Variants in DCLK1 observed in about 807,000 individuals in gnomAD.
DCLK1 encodes the protein serine/threonine-protein kinase DCLK1.
DCLK1 carries 16 observed loss-of-function variants against 86.2 expected under a neutral mutation model. The observed-to-expected ratio is 0.19, with a 90% CI of 0.13 to 0.28. DCLK1 has a LOEUF of 0.28. Among genes scored for constraint, DCLK1 ranks in the 10% least tolerant of loss-of-function variants. The probability of loss-of-function intolerance (pLI) is 1.00; values close to 1 mark genes in which losing one functional copy is unlikely to be tolerated. For synonymous variants in DCLK1, 369 were observed against 370.5 expected (o/e 1.00, Z 0.05); for missense variants, 590 against 940.2 (o/e 0.63, Z 4.87).
At chr13:35,889,617 G>T (rs1566587902) in intron 4 of DCLK1, among the ~76,000 whole-genome samples, 1 of 152,056 alleles carries the variant, frequency 6.6e-6, no homozygotes, top group Non-Finnish European at 1.5e-5. Flanking sequence ...CTGTAATTCT[G>T]ATTCATTCCA....
At chr13:36,055,940 G>T (rs1211025821) in intron 3 of DCLK1, among the ~76,000 whole-genome samples, 1 of 152,116 alleles carries the variant, frequency 6.6e-6, no homozygotes, top group Non-Finnish European at 1.5e-5. Context: ...ATCTCATAGT[G>T]GTTTTGATTA....
chr13:35,934,376 C>T (rs1017806337), intron 4 of DCLK1, among the ~76,000 whole-genome samples: 3 of 152,114 alleles, frequency 2.0e-5, no homozygotes, highest in Non-Finnish European at 2.9e-5. Context: ...AAGATATACC[C>T]GAGACTGGGC....
chr13:36,124,042 A>T (rs1886082299), intron 2 of DCLK1, among the ~76,000 whole-genome samples: 1 of 152,186 alleles, frequency 6.6e-6, no homozygotes, highest in African/African-American at 2.4e-5. Flanking sequence ...CATAGATGCT[A>T]CACAAGTGAC....
At chr13:35,804,407 T>A (rs898369455) in intron 15 of DCLK1, among the ~76,000 whole-genome samples, 2 of 151,930 alleles carry the variant, frequency 1.3e-5, no homozygotes, top group Non-Finnish European at 2.9e-5. Context: ...GTACTGGGAT[T>A]ACAGGCATGA....
intron 3 of DCLK1, among the ~76,000 whole-genome samples, chr13:35,956,258 A>ACTG (rs1251625498): frequency 6.6e-6 from 1 of 152,174 alleles, no homozygotes; most frequent in Non-Finnish European, 1.5e-5. Flanking sequence ...AAGCCCAGGA[A>ACTG]ATTGGCTTAT....
rs1048316844 is a variant in DCLK1 at position 36,030,992 on chromosome 13, T to C, written c.723+80877A>G. Among the ~76,000 whole-genome samples, 4 of 152,284 alleles carry C rather than the reference T, an allele frequency of 2.6e-5. No homozygotes were observed. In the East Asian group the frequency reaches 5.8e-4, roughly 22 times the overall value. Reference sequence around the variant, plus strand: ...AACATTGCCCTGTGTTCTGCAGGTATAACTGATAAGCCACAGGACTTATTT... The same window carrying C: ...AACATTGCCCTGTGTTCTGCAGGTACAACTGATAAGCCACAGGACTTATTT... On this transcript the variant is annotated intron_variant, in intron 3 of 16. Transcript: ENST00000360631.
intron 15 of DCLK1, among the ~76,000 whole-genome samples, chr13:35,793,812 A>G (rs1427867587): frequency 1.3e-5 from 2 of 152,192 alleles, no homozygotes; most frequent in African/African-American, 4.8e-5. Flanking sequence ...GTTAATCTAG[A>G]TGACCAGAAA....
intron 4 of DCLK1, among the ~76,000 whole-genome samples, chr13:35,886,438 CT>C (rs1443929374): frequency 3.3e-5 from 5 of 152,124 alleles, no homozygotes; most frequent in African/African-American, 1.2e-4. Flanking sequence ...TTAATGACTT[CT>C]TGGGAGATTG....
chr13:35,873,446 G>C (rs374198259), intron 4 of DCLK1, among the ~76,000 whole-genome samples: 1 of 151,638 alleles, frequency 6.6e-6, no homozygotes, highest in Non-Finnish European at 1.5e-5. Context: ...GTGCAGTGGC[G>C]TGATCTCGGG....
intron 3 of DCLK1, among the ~76,000 whole-genome samples, chr13:35,966,848 T>C (rs1362501737): frequency 6.6e-6 from 1 of 151,868 alleles, no homozygotes; most frequent in African/African-American, 2.4e-5. Flanking sequence ...TGATCTCCGC[T>C]CGCTACCACC....
At chr13:35,851,279 GA>G in intron 6 of DCLK1, among the ~76,000 whole-genome samples, 1 of 152,258 alleles carries the variant, frequency 6.6e-6, no homozygotes, top group East Asian at 1.9e-4. Context: ...ATGTTTGGAT[GA>G]CAGAAAGCGT....
chr13:35,814,016 G>C (rs1373681354), intron 11 of DCLK1, among the ~76,000 whole-genome samples: 1 of 152,082 alleles, frequency 6.6e-6, no homozygotes, highest in Non-Finnish European at 1.5e-5. Flanking sequence ...AACACTTTGG[G>C]AGGAGGATGG....
rs1313763421 is a variant in DCLK1, at chr13:35,901,826, C to G, written c.824-30486G>C. Among the ~76,000 whole-genome samples, 11 of 152,230 alleles carry G rather than the reference C, an allele frequency of 7.2e-5. 4 individuals carry two copies. The highest frequency in any genetic ancestry group is 6.5e-4 in the Admixed American group (10 of 15,298). On this transcript the variant is annotated intron_variant, in intron 4 of 16. Coordinates refer to ENST00000360631, the MANE Select transcript of DCLK1 (RefSeq NM_001330071.2). ...ACTCACTCACTGCCAACCACGACTT[C>G]CACAGAAAGCTTGGGAATTGGGGAA...
chr13:36,070,151 G>T lies in DCLK1; in HGVS notation c.723+41718C>A, dbSNP rs117090926. 2.5e-3 allele frequency among the ~76,000 whole-genome samples: 377 copies of T among 152,262 alleles called. 11 individuals carry two copies. In the East Asian group the frequency reaches 0.068, roughly 28 times the overall value. On this transcript the variant is annotated intron_variant, in intron 3 of 16. Transcript: ENST00000360631. ...GCCTGAAAAGTTGAAAAAAAATATGGTTTTTTAAATCCAAAAACATCCTAA... is the reference window on the plus strand; with the variant it reads ...GCCTGAAAAGTTGAAAAAAAATATGTTTTTTTAAATCCAAAAACATCCTAA...
At chr13:35,988,881 G>A (rs1236940443) in intron 3 of DCLK1, among the ~76,000 whole-genome samples, 1 of 152,118 alleles carries the variant, frequency 6.6e-6, no homozygotes, top group African/African-American at 2.4e-5. Flanking sequence ...AACGTTTCAG[G>A]AGACCTGAAT....
At chr13:36,037,949 G>A (rs1882568581) in intron 3 of DCLK1, among the ~76,000 whole-genome samples, 1 of 152,108 alleles carries the variant, frequency 6.6e-6, no homozygotes, top group African/African-American at 2.4e-5. Flanking sequence ...TAATGTGTCA[G>A]AGACACATTA....
At chr13:35,878,634 T>C (rs1043119224) in intron 4 of DCLK1, among the ~76,000 whole-genome samples, 1 of 152,176 alleles carries the variant, frequency 6.6e-6, no homozygotes, top group Non-Finnish European at 1.5e-5. Context: ...AATTTAATTG[T>C]ATACTTAAAA....
intron 3 of DCLK1, among the ~76,000 whole-genome samples, chr13:35,986,364 G>A (rs1188311053): frequency 6.6e-5 from 10 of 150,420 alleles, no homozygotes; most frequent in African/African-American, 2.5e-4. Flanking sequence ...GTTCACAGAG[G>A]AGGCAGGGGA....
intron 3 of DCLK1, among the ~76,000 whole-genome samples, chr13:36,080,308 G>C (rs1884376590): frequency 6.6e-6 from 1 of 152,122 alleles, no homozygotes; most frequent in Non-Finnish European, 1.5e-5. Flanking sequence ...AGAAAACCAA[G>C]AGAACACGAT....
Sources: allele counts gnomAD v4.1 joint callset (sites outside exome capture counted in the v4.1 genomes callset), GRCh38; gene constraint gnomAD v4.1.1; transcripts MANE v1.5; gene names NCBI Gene and HGNC (gene_info 2026-07-23, HGNC 2026-07-21).